Variants in SH3RF2 observed in about 807,000 individuals in gnomAD.
SH3RF2 encodes the protein E3 ubiquitin-protein ligase SH3RF2.
SH3RF2 carries 43 observed loss-of-function variants against 59.0 expected under a neutral mutation model. That is an observed-to-expected ratio of 0.73 (90% CI 0.57 to 0.94). The LOEUF is 0.94. Among genes scored for constraint, SH3RF2 ranks in the 40% least tolerant of loss-of-function variants. The pLI is 0.00. For synonymous variants in SH3RF2, 391 were observed against 391.5 expected (o/e 1.00, Z 0.01); for missense variants, 930 against 940.1 (o/e 0.99, Z 0.14).
rs981284221 is a variant in SH3RF2 at position 145,936,659 on chromosome 5, G to C, written c.-142G>C. Reference sequence around the variant, plus strand: ...CGCACCCCTGCTGCGCGGAGGAGGGGGCTGAGCTGAACTCAGCAGAAGTTA... The same window carrying C: ...CGCACCCCTGCTGCGCGGAGGAGGGCGCTGAGCTGAACTCAGCAGAAGTTA... On this transcript the variant is annotated 5_prime_UTR_variant, in exon 1 of 10. Transcript: ENST00000359120. 1.3e-5 allele frequency: 2 copies of C among 152,286 alleles called. No homozygotes were observed. Among genetic ancestry groups the C allele is most frequent in the Non-Finnish European group, 2.9e-5 (2 of 68,106 alleles). 9.4% of individuals were successfully genotyped at this position (152,286 alleles called of 1,614,324 possible).
chr5:146,016,002 T>C (rs1761090266), intron 5 of SH3RF2, among the ~76,000 whole-genome samples: 1 of 152,086 alleles, frequency 6.6e-6, no homozygotes, highest in South Asian at 2.1e-4. Flanking sequence ...AGAGCTGTGG[T>C]TGGGTCTGGC....
intron 5 of SH3RF2, among the ~76,000 whole-genome samples, chr5:146,030,913 A>G (rs924683719): frequency 6.6e-6 from 1 of 152,220 alleles, no homozygotes; most frequent in African/African-American, 2.4e-5. Flanking sequence ...CACTAGAAGG[A>G]AACAGTTAGG....
chr5:145,974,388 G>C (rs1759205003), intron 2 of SH3RF2, among the ~76,000 whole-genome samples: 2 of 152,134 alleles, frequency 1.3e-5, no homozygotes, highest in Admixed American at 6.6e-5. Flanking sequence ...ATGGGGGTAG[G>C]AGCACCTTTG....
intron 2 of SH3RF2, among the ~76,000 whole-genome samples, chr5:145,974,587 A>T (rs987103444): frequency 6.6e-6 from 1 of 152,242 alleles, no homozygotes; most frequent in East Asian, 1.9e-4. Flanking sequence ...GCATTTTATT[A>T]TGTAATCTTT....
At position 146,071,939 on chromosome 5, in the gene SH3RF2, G is replaced by A. The variant is rs549808452; in HGVS notation, c.*34-6521G>A. On this transcript the variant is annotated intron_variant, in intron 9 of 9. Transcript: ENST00000511217. Reference sequence around the variant, plus strand: ...TAGCTATTACCATTTATTGGATGTAGAGGCACAATTCAAAACAGAGTACAA... The same window carrying A: ...TAGCTATTACCATTTATTGGATGTAAAGGCACAATTCAAAACAGAGTACAA... 3.3e-5 allele frequency among the ~76,000 whole-genome samples: 5 copies of A among 152,292 alleles called. No individual in the cohort carries two copies. In the South Asian group the frequency reaches 8.3e-4, roughly 25 times the overall value.
chr5:146,004,388 CAAAT>C (rs985743125), intron 4 of SH3RF2, among the ~76,000 whole-genome samples: 2 of 152,172 alleles, frequency 1.3e-5, no homozygotes, highest in African/African-American at 4.8e-5. Flanking sequence ...TATGCAAACT[CAAAT>C]AAACTTATAC....
chr5:145,992,817 G>A (rs1352630087), intron 2 of SH3RF2, among the ~76,000 whole-genome samples: 2 of 152,164 alleles, frequency 1.3e-5, no homozygotes, highest in Non-Finnish European at 2.9e-5. Flanking sequence ...CGGGGACAGA[G>A]CCAAATCATA....
intron 5 of SH3RF2, among the ~76,000 whole-genome samples, chr5:146,016,906 C>G (rs960451199): frequency 6.6e-6 from 1 of 152,172 alleles, no homozygotes; most frequent in Non-Finnish European, 1.5e-5. Context: ...TATGAACTAC[C>G]AGTTGTGTCC....
chr5:146,028,601 ACCACCACCCACC>A (rs1314761856), intron 5 of SH3RF2, among the ~76,000 whole-genome samples: 1 of 79,412 alleles, frequency 1.3e-5, no homozygotes, highest in Non-Finnish European at 3.9e-5. Flanking sequence ...AGCACCCACC[ACCACCACCCACC>A]CACCTGTGGC....
intron 5 of SH3RF2, among the ~76,000 whole-genome samples, chr5:146,022,896 C>T (rs1159363676): frequency 6.6e-6 from 1 of 150,930 alleles, no homozygotes; most frequent in Non-Finnish European, 1.5e-5. Flanking sequence ...CACACACACA[C>T]ACACACACAC....
intron 2 of SH3RF2, among the ~76,000 whole-genome samples, chr5:145,952,722 T>C (rs1289336680): frequency 6.6e-6 from 1 of 152,170 alleles, no homozygotes; most frequent in Non-Finnish European, 1.5e-5. Flanking sequence ...GAGATGAGGA[T>C]TGAATGCTTA....
At chr5:145,992,074 T>G (rs1234903212) in intron 2 of SH3RF2, among the ~76,000 whole-genome samples, 2 of 152,110 alleles carry the variant, frequency 1.3e-5, no homozygotes, top group African/African-American at 4.8e-5. Context: ...AACCACAGAT[T>G]ATATTTTAAG....
intron 5 of SH3RF2, among the ~76,000 whole-genome samples, chr5:146,046,289 T>C (rs1180896032): frequency 6.6e-6 from 1 of 152,188 alleles, no homozygotes; most frequent in Admixed American, 6.5e-5. Context: ...CCATCACACA[T>C]GTACATTAAA....
At chr5:145,997,442 G>A in intron 2 of SH3RF2, 2 of 1,459,814 alleles carry the variant, frequency 1.4e-6, no homozygotes, top group Non-Finnish European at 1.9e-6. Context: ...GCTGGTGCAA[G>A]GATGTTTATG....
intron 2 of SH3RF2, among the ~76,000 whole-genome samples, chr5:145,992,409 G>A (rs1172646443): frequency 2.0e-5 from 3 of 152,054 alleles, no homozygotes; most frequent in African/African-American, 4.8e-5. Context: ...TTGGGCTTGG[G>A]GATACTGAGT....
chr5:145,953,807 G>T (rs1010191524), intron 2 of SH3RF2, among the ~76,000 whole-genome samples: 4 of 152,102 alleles, frequency 2.6e-5, no homozygotes, highest in Admixed American at 2.6e-4. Context: ...AGAACATGCC[G>T]TATTTGGTTT....
chr5:146,049,589 C>T (rs1286316593), intron 7 of SH3RF2, among the ~76,000 whole-genome samples: 1 of 151,980 alleles, frequency 6.6e-6, no homozygotes, highest in Non-Finnish European at 1.5e-5. Context: ...ATCCCAGGAA[C>T]CCCACTTCAC....
chr5:146,034,325 CA>C (rs1450237790), intron 5 of SH3RF2, among the ~76,000 whole-genome samples: 22 of 152,288 alleles, frequency 1.4e-4, no homozygotes, highest in African/African-American at 5.1e-4. Context: ...GGCTTGCTTG[CA>C]GGGTAGCTGA....
At position 146,004,040 on chromosome 5, in the gene SH3RF2, T is replaced by C. The variant is rs1253802996; in HGVS notation, c.649-18T>C. 3.1e-6 allele frequency: 5 copies of C among 1,607,356 alleles called. No homozygotes were observed. Among genetic ancestry groups the C allele is most frequent in the Non-Finnish European group, 4.3e-6 (5 of 1,175,072 alleles). Reference sequence around the variant, plus strand: ...TGAAAATGAGAGTAAATGCTGACCATGAGACTTTCTCTTTCAGGACGATAT... The same window carrying C: ...TGAAAATGAGAGTAAATGCTGACCACGAGACTTTCTCTTTCAGGACGATAT... On this transcript the variant is annotated intron_variant, in intron 3 of 9. Transcript: ENST00000359120.
Sources: allele counts gnomAD v4.1 joint callset (sites outside exome capture counted in the v4.1 genomes callset), GRCh38; gene constraint gnomAD v4.1.1; transcripts MANE v1.5; gene names NCBI Gene and HGNC (gene_info 2026-07-23, HGNC 2026-07-21).